The following GTF2E1 variants were observed in gnomAD, a reference collection of about 807,000 sequenced individuals.
GTF2E1 encodes general transcription factor IIE subunit 1.
A neutral mutation model predicts 34.9 loss-of-function variants in GTF2E1; 14 were observed. That is an observed-to-expected ratio of 0.40 (90% CI 0.27 to 0.63). The LOEUF is 0.63. GTF2E1 is among the 20% of genes least tolerant of loss of function. The pLI is 0.39. For synonymous variants in GTF2E1, 188 were observed against 192.9 expected (o/e 0.97, Z 0.21); for missense variants, 469 against 557.7 (o/e 0.84, Z 1.60).
intron 4 of GTF2E1, among the ~76,000 whole-genome samples, chr3:120,778,350 T>G (rs2107613980): frequency 6.6e-6 from 1 of 152,344 alleles, no homozygotes; most frequent in East Asian, 1.9e-4. Flanking sequence ...ATGTCTGAAT[T>G]TATCCTAAGT....
intron 2 of GTF2E1, among the ~76,000 whole-genome samples, chr3:120,760,549 G>C (rs1238486573): frequency 1.3e-5 from 2 of 152,172 alleles, no homozygotes; most frequent in Non-Finnish European, 2.9e-5. Flanking sequence ...CATTCAGTAT[G>C]ATATTGGCTG....
Position 120,782,331 on chromosome 3 carries a change from G to A in GTF2E1, c.*861G>A, listed in dbSNP as rs1039104185. 1.3e-5 allele frequency: 2 copies of A among 152,202 alleles called. No homozygotes were observed. The highest frequency in any genetic ancestry group is 2.4e-5 in the African/African-American group (1 of 41,452). The allele number at this position is 152,202 out of a possible 1,614,324, so 9.4% of individuals were successfully genotyped here. On this transcript the variant is annotated 3_prime_UTR_variant, in exon 5 of 5. Transcript: ENST00000283875. ...GGGGAGAGATATACTTGAGTCTTAT[G>A]ATTAATGTCTAAACCAGAATTTGTG...
chr3:120,780,926 C>A, intron 4 of GTF2E1, 117 bp from the exon 5 acceptor site: 1 of 685,396 alleles, frequency 1.5e-6, no homozygotes, highest in Non-Finnish European at 2.4e-6. Flanking sequence ...AAAATGGAAC[C>A]AGTGAAGTCT....
At chr3:120,757,581 C>A (rs1177972662) in intron 2 of GTF2E1, among the ~76,000 whole-genome samples, 4 of 152,130 alleles carry the variant, frequency 2.6e-5, no homozygotes. Context: ...CTAATAGCAA[C>A]TCCTTTTTCT....
At chr3:120,748,832 T>A (rs954558867) in intron 1 of GTF2E1, among the ~76,000 whole-genome samples, 4 of 152,210 alleles carry the variant, frequency 2.6e-5, no homozygotes, top group Admixed American at 1.3e-4. Context: ...ATCTATAAAT[T>A]ACCTTGGGCA....
At chr3:120,774,545 A>G (rs9847433) in intron 3 of GTF2E1, among the ~76,000 whole-genome samples, 9,105 of 152,080 alleles carry the variant, frequency 0.06, 871 homozygotes, top group African/African-American at 0.21. Flanking sequence ...ACAAGAAATG[A>G]TACACAAAGT....
At chr3:120,750,123 C>T (rs543403484) in intron 1 of GTF2E1, among the ~76,000 whole-genome samples, 1 of 152,230 alleles carries the variant, frequency 6.6e-6, no homozygotes, top group Admixed American at 6.5e-5. Context: ...AAAAATTTTA[C>T]TCAAGAAAGG....
chr3:120,758,717 C>T (rs1260789044), intron 2 of GTF2E1, among the ~76,000 whole-genome samples: 1 of 152,136 alleles, frequency 6.6e-6, no homozygotes, highest in African/African-American at 2.4e-5. Context: ...TGATGGTTTC[C>T]AGCTTCATCC....
intron 4 of GTF2E1, among the ~76,000 whole-genome samples, chr3:120,780,501 C>T (rs551334488): frequency 5.9e-5 from 9 of 152,206 alleles, no homozygotes; most frequent in African/African-American, 1.9e-4. Context: ...ATGGAGGCTA[C>T]TGTGGCTAGA....
At chr3:120,779,492 A>G (rs1206234155) in intron 4 of GTF2E1, among the ~76,000 whole-genome samples, 1 of 152,216 alleles carries the variant, frequency 6.6e-6, no homozygotes, top group Non-Finnish European at 1.5e-5. Flanking sequence ...TCTCTGACCT[A>G]AACTTTTAAC....
rs546718680 is a variant in GTF2E1 at position 120,775,722 on chromosome 3, T to C, written c.651-701T>C. ...TGGGTGGTAAAAGTAAAAAGCAAAA[T>C]AAAATAGACTGAGAAAAACAGACCA... On this transcript the variant is annotated intron_variant, in intron 3 of 4. Coordinates refer to ENST00000283875, the MANE Select transcript of GTF2E1 (RefSeq NM_005513.3). Among the ~76,000 whole-genome samples the C allele has an allele frequency of 4.6e-5, 7 of 152,114 alleles. No individual in the cohort carries two copies. In the East Asian group the frequency reaches 1.4e-3, roughly 29 times the overall value.
intron 3 of GTF2E1, among the ~76,000 whole-genome samples, chr3:120,772,477 T>A (rs1216182601): frequency 6.6e-6 from 1 of 152,216 alleles, no homozygotes; most frequent in Non-Finnish European, 1.5e-5. Flanking sequence ...TGGTACTGGT[T>A]ATTTATTTCT....
chr3:120,778,102 C>T (rs958336983), intron 4 of GTF2E1, among the ~76,000 whole-genome samples: 104 of 152,316 alleles, frequency 6.8e-4, no homozygotes, highest in African/African-American at 2.3e-3. Flanking sequence ...TTTGTTTTCC[C>T]CAACTTGGCT....
chr3:120,776,697 T>G lies in GTF2E1; in HGVS notation c.892+33T>G, dbSNP rs796832452. 6.3e-6 allele frequency: 10 copies of G among 1,587,434 alleles called. No individual in the cohort carries two copies. In the African/African-American group the frequency reaches 1.3e-4, roughly 21 times the overall value. ...TAGAAGTCAGTAAAATGGATGTGTC[T>G]TAGGTTCTGTAGAACATGAACTTGG... is the stretch of plus-strand genomic sequence containing the variant. On this transcript the variant is annotated intron_variant, in intron 4 of 4. Transcript: ENST00000283875.
chr3:120,776,553 CAAG>C lies in GTF2E1; in HGVS notation c.786_788del (p.Glu262del), dbSNP rs1390914600. On this transcript the variant is annotated inframe_deletion, in exon 4 of 5. Transcript: ENST00000283875. ...GAATGTTGTCATTAACATGGATGAC[CAAG>C]AAGATCTTCATCGAGCCTCACTGGA... 5.0e-6 allele frequency: 8 copies of C among 1,613,726 alleles called. No individual in the cohort carries two copies. The highest frequency in any genetic ancestry group is 1.1e-5 in the South Asian group (1 of 91,068).
chr3:120,772,025 A>G (rs1398239056), intron 3 of GTF2E1, among the ~76,000 whole-genome samples: 2 of 152,076 alleles, frequency 1.3e-5, no homozygotes, highest in African/African-American at 2.4e-5. Flanking sequence ...CCATCTTTAT[A>G]CTCTGCTGAA....
intron 3 of GTF2E1, among the ~76,000 whole-genome samples, chr3:120,774,432 CA>C (rs780821367): frequency 2.6e-5 from 4 of 152,120 alleles, no homozygotes; most frequent in Non-Finnish European, 1.5e-5. Flanking sequence ...AAGTAAGCAG[CA>C]TCATATTACA....
chr3:120,778,999 G>A (rs932582430), intron 4 of GTF2E1, among the ~76,000 whole-genome samples: 2 of 152,056 alleles, frequency 1.3e-5, no homozygotes, highest in Non-Finnish European at 2.9e-5. Context: ...CATCAATTCC[G>A]TGAATATAGT....
intron 2 of GTF2E1, among the ~76,000 whole-genome samples, chr3:120,770,105 C>T (rs866472370): frequency 6.6e-6 from 1 of 152,030 alleles, no homozygotes; most frequent in African/African-American, 2.4e-5. Flanking sequence ...TTTAATCTTT[C>T]AAGTAAGTTG....
Sources: gnomAD v4.1 joint callset for allele counts (sites outside exome capture counted in the v4.1 genomes callset) on GRCh38, gnomAD v4.1.1 for gene constraint, MANE v1.5 for transcripts, NCBI Gene and HGNC (gene_info 2026-07-23, HGNC 2026-07-21) for gene names.